Variants in AHRR observed in about 807,000 individuals in gnomAD.
AHRR encodes aryl hydrocarbon receptor repressor.
Under a neutral mutation model 44.0 loss-of-function variants are expected in AHRR, and 28 were observed. The ratio of observed to expected loss-of-function variants is 0.64; its 90% CI spans 0.47 to 0.87. The LOEUF is 0.87. Among genes scored for constraint, AHRR ranks in the 40% least tolerant of loss-of-function variants. The probability of loss-of-function intolerance (pLI) is 0.00; values close to 1 mark genes in which losing one functional copy is unlikely to be tolerated. For missense variants in AHRR, 990 were observed against 953.9 expected (o/e 1.04, Z -0.50); for synonymous variants, 434 against 407.0 (o/e 1.07, Z -0.80).
intron 8 of AHRR, chr5:432,066 G>A (rs1178436771): frequency 1.2e-5 from 3 of 245,624 alleles, no homozygotes; most frequent in Admixed American, 5.2e-5. Context: ...CATGTCCCGT[G>A]TGAGTTGGTC....
At chr5:422,154 G>C (rs1736155696) in intron 5 of AHRR, among the ~76,000 whole-genome samples, 1 of 152,180 alleles carries the variant, frequency 6.6e-6, no homozygotes, top group Non-Finnish European at 1.5e-5. Flanking sequence ...GTCAGTCTTC[G>C]TGGCCCGCAG....
At chr5:402,940 C>T (rs780831839) in intron 4 of AHRR, among the ~76,000 whole-genome samples, 1 of 152,058 alleles carries the variant, frequency 6.6e-6, no homozygotes, top group Non-Finnish European at 1.5e-5. Flanking sequence ...ATAAGTCATG[C>T]ACAGACAGTT....
chr5:323,063 C>A (rs994861003), intron 1 of AHRR, among the ~76,000 whole-genome samples: 1 of 152,234 alleles, frequency 6.6e-6, no homozygotes, highest in African/African-American at 2.4e-5. Context: ...CGTGTGGGAC[C>A]TGCCCGTGAG....
intron 3 of AHRR, among the ~76,000 whole-genome samples, chr5:364,413 CATAAT>C (rs1449850073): frequency 1.3e-5 from 2 of 151,978 alleles, no homozygotes; most frequent in Non-Finnish European, 2.9e-5. Context: ...AGTATATAGT[CATAAT>C]ATGATACAAA....
intron 3 of AHRR, among the ~76,000 whole-genome samples, chr5:362,349 C>G (rs1016051852): frequency 6.6e-6 from 1 of 152,332 alleles, no homozygotes; most frequent in African/African-American, 2.4e-5. Flanking sequence ...TTACAGCAGC[C>G]CTAGAGGCTA....
chr5:350,311 T>C (rs1215596228), intron 2 of AHRR, among the ~76,000 whole-genome samples: 1 of 152,234 alleles, frequency 6.6e-6, no homozygotes, highest in East Asian at 1.9e-4. Context: ...TGTCTTTTGT[T>C]AGGTTTGTTC....
chr5:367,219 G>A (rs951952065), intron 3 of AHRR, among the ~76,000 whole-genome samples: 1 of 152,244 alleles, frequency 6.6e-6, no homozygotes, highest in African/African-American at 2.4e-5. Flanking sequence ...GAGGAGCTGG[G>A]GGGAAGAGCA....
chr5:419,894 G>A lies in AHRR; in HGVS notation c.442-2835G>A, dbSNP rs1348804418. Among the ~76,000 whole-genome samples the A allele has an allele frequency of 6.6e-6, 1 of 152,138 alleles. No individual in the cohort carries two copies. The stretch of plus-strand genomic sequence containing the variant: ...TGTTATGTGTGCCAGGGTGTAAAGT[G>A]GATTTTAAGATGTGGAATTGGGAGG... On this transcript the variant is annotated intron_variant, in intron 5 of 10. Coordinates refer to ENST00000684583, the MANE Select transcript of AHRR (RefSeq NM_001377236.1). This position sits in a 1 kb window ranked among gnomAD's most constrained non-coding sequence, Gnocchi z 4.4.
chr5:340,688 A>ATATATATTT (rs1269938749), intron 1 of AHRR, among the ~76,000 whole-genome samples: 2 of 12,928 alleles, frequency 1.5e-4, no homozygotes, highest in African/African-American at 8.0e-4. Flanking sequence ...ATATATATAT[A>ATATATATTT]TTTTTTTTTT....
chr5:389,612 C>T (rs899221552), intron 4 of AHRR, among the ~76,000 whole-genome samples: 5 of 151,912 alleles, frequency 3.3e-5, no homozygotes, highest in African/African-American at 1.2e-4. Flanking sequence ...AGCTGGGAGC[C>T]CTGGACACCG....
chr5:367,629 A>G (rs1743407078), intron 3 of AHRR, among the ~76,000 whole-genome samples: 1 of 152,192 alleles, frequency 6.6e-6, no homozygotes, highest in Non-Finnish European at 1.5e-5. Flanking sequence ...TTTGAAGGCC[A>G]TGCCCTCCTG....
intron 3 of AHRR, among the ~76,000 whole-genome samples, chr5:362,370 C>A (rs952387920): frequency 4.7e-4 from 72 of 152,208 alleles, no homozygotes; most frequent in African/African-American, 1.7e-3. Flanking sequence ...AGGCAAGCCC[C>A]CATGGCAGGG....
intron 5 of AHRR, chr5:420,836 C>G (rs561218193): frequency 1.7e-5 from 5 of 289,042 alleles, no homozygotes; most frequent in Non-Finnish European, 3.4e-5. Flanking sequence ...CACCCACCCA[C>G]GCAGCACGCA....
At chr5:427,492 T>C (rs898630237) in intron 7 of AHRR, 167 of 980,456 alleles carry the variant, frequency 1.7e-4, no homozygotes, top group Non-Finnish European at 2.4e-4. Context: ...ACAGGCGCAG[T>C]TCGTGCCACC....
rs537320423 is a variant in AHRR at position 342,153 on chromosome 5, C to T, written c.-10-1740C>T. 2.0e-4 allele frequency among the ~76,000 whole-genome samples: 30 copies of T among 152,300 alleles called. No homozygotes were observed. The highest frequency in any genetic ancestry group is 1.6e-3 in the Admixed American group (24 of 15,294). The stretch of plus-strand genomic sequence containing the variant: ...GTTACATGTGTAAAAACCAGATACT[C>T]TTCGGTTGTTGGATGGAGTGTTTTA... On this transcript the variant is annotated intron_variant, in intron 1 of 10. Coordinates refer to ENST00000684583, the MANE Select transcript of AHRR (RefSeq NM_001377236.1). The surrounding 1 kb of genome is among the most constrained non-coding windows in gnomAD (Gnocchi z 4.3).
intron 3 of AHRR, among the ~76,000 whole-genome samples, chr5:363,812 C>G (rs931952447): frequency 3.3e-5 from 5 of 152,200 alleles, no homozygotes; most frequent in Admixed American, 6.5e-5. Context: ...CACTGCCCCC[C>G]TCTCCCAAGG....
rs76525374 is a variant in AHRR at position 368,362 on chromosome 5, C to T, written c.245-8248C>T. Among the ~76,000 whole-genome samples the T allele has an allele frequency of 2.3e-4, 35 of 152,144 alleles. 1 individual carries two copies. The East Asian group carries it at 6.2e-3, about 27-fold the overall frequency. The stretch of plus-strand genomic sequence containing the variant: ...GGGGTTAGTGGCCTGCAGTGTTGAC[C>T]GCTCACTCATCTGTACACCTGTGCA... On this transcript the variant is annotated intron_variant, in intron 3 of 10. Transcript: ENST00000684583.
rs1218855561 is a variant in AHRR at position 435,626 on chromosome 5, T to C, written c.*792T>C. 1 of 152,344 alleles carries C rather than the reference T, an allele frequency of 6.6e-6. No individual in the cohort carries two copies. The highest frequency in any genetic ancestry group is 2.4e-5 in the African/African-American group (1 of 41,444). 9.4% of individuals were successfully genotyped at this position (152,344 alleles called of 1,614,324 possible). On this transcript the variant is annotated 3_prime_UTR_variant, in exon 11 of 11. Transcript: ENST00000684583. ...GGTCTCTGCGGACGGTTCTTCCTAATCTGCCTCTTGGTACATCACGTAATA... is the reference window on the plus strand; with the variant it reads ...GGTCTCTGCGGACGGTTCTTCCTAACCTGCCTCTTGGTACATCACGTAATA...
chr5:368,082 A>G, intron 3 of AHRR: 1 of 598,166 alleles, frequency 1.7e-6, no homozygotes, highest in Non-Finnish European at 3.0e-6. Context: ...TAATAAATTT[A>G]CCTACGAATT....
Sources: gnomAD v4.1 joint callset for allele counts (sites outside exome capture counted in the v4.1 genomes callset) on GRCh38, gnomAD v4.1.1 for gene constraint, Gnocchi (gnomAD v3.1) non-coding constraint, MANE v1.5 for transcripts, NCBI Gene and HGNC (gene_info 2026-07-23, HGNC 2026-07-21) for gene names.